PLD5: variants seen among roughly 807,000 people sequenced by gnomAD.
The protein encoded by PLD5 is phospholipase D family member 5.
A neutral mutation model predicts 61.1 loss-of-function variants in PLD5; 36 were observed. That is an observed-to-expected ratio of 0.59 (90% CI 0.45 to 0.78). PLD5 has a LOEUF of 0.78. Ranked by LOEUF, PLD5 falls within the 30% of genes least tolerant of loss-of-function variation. The probability of loss-of-function intolerance (pLI) is 0.00; values close to 1 mark genes in which losing one functional copy is unlikely to be tolerated. For missense variants in PLD5, 515 were observed against 644.4 expected (o/e 0.80, Z 2.17); for synonymous variants, 243 against 242.8 (o/e 1.00, Z -0.01).
chr1:242,242,384 T>G (rs1672113843), intron 4 of PLD5, among the ~76,000 whole-genome samples: 1 of 152,196 alleles, frequency 6.6e-6, no homozygotes, highest in Admixed American at 6.5e-5. Flanking sequence ...TCAAAATATG[T>G]ATCATAAAAT....
chr1:242,375,225 G>A (rs1487406134), intron 1 of PLD5, among the ~76,000 whole-genome samples: 5 of 152,186 alleles, frequency 3.3e-5, no homozygotes, highest in Non-Finnish European at 5.9e-5. Context: ...TGGAGGGAAT[G>A]GTGCTATTCT....
the PLD5 span, among the ~76,000 whole-genome samples, chr1:242,530,251 A>T: frequency 6.6e-6 from 1 of 152,272 alleles, no homozygotes; most frequent in South Asian, 2.1e-4. Flanking sequence ...CTCAGTTGAC[A>T]ATCAACCAGC....
Position 242,524,171 on chromosome 1 carries a change from C to G in PLD5, c.106G>C (p.Val36Leu). 1 of 1,535,502 alleles carries G rather than the reference C, an allele frequency of 6.5e-7. No homozygotes were observed. Among genetic ancestry groups the G allele is most frequent in the Non-Finnish European group, 8.7e-7 (1 of 1,146,576 alleles). Residue 36 changes from valine to leucine, a missense_variant, in exon 1 of 10, where the codon GTG becomes CTG. Val to Leu is a conservative substitution (Grantham distance 32, BLOSUM62 1). Transcript: ENST00000536534. The stretch of plus-strand genomic sequence containing the variant: ...ACGCTGCTGTAGAAGTTCGCGCCCA[C>G]TCGGGTCAGGCTTGGGGAGGGCTCC... ...PKEPSPSLTR[V>L]GANFYSSVKQ...
At chr1:242,269,748 T>C (rs1673941783) in intron 3 of PLD5, among the ~76,000 whole-genome samples, 1 of 152,172 alleles carries the variant, frequency 6.6e-6, no homozygotes. Flanking sequence ...AGGTTTGTCC[T>C]GTTATACAGG....
chr1:242,502,270 C>T (rs1379482947), intron 1 of PLD5, among the ~76,000 whole-genome samples: 1 of 152,164 alleles, frequency 6.6e-6, no homozygotes, highest in Non-Finnish European at 1.5e-5. Flanking sequence ...TTTACAATGT[C>T]GATGGCCACC....
intron 1 of PLD5, among the ~76,000 whole-genome samples, chr1:242,486,463 C>T (rs1365202289): frequency 3.9e-5 from 6 of 152,196 alleles, no homozygotes; most frequent in African/African-American, 1.2e-4. Flanking sequence ...TGAAAAAATG[C>T]TCATCATCAC....
intron 2 of PLD5, among the ~76,000 whole-genome samples, chr1:242,337,412 T>C (rs954725110): frequency 3.3e-5 from 5 of 151,838 alleles, no homozygotes; most frequent in African/African-American, 1.2e-4. Context: ...GGATGGATCA[T>C]CTGAGGTCAG....
At chr1:242,396,088 C>T (rs1663557336) in intron 1 of PLD5, among the ~76,000 whole-genome samples, 1 of 152,052 alleles carries the variant, frequency 6.6e-6, no homozygotes, top group Non-Finnish European at 1.5e-5. Context: ...TCATATGATG[C>T]AACCTAACAG....
chr1:242,214,179 CTG>C (rs1669998796), intron 5 of PLD5, among the ~76,000 whole-genome samples: 1 of 152,120 alleles, frequency 6.6e-6, no homozygotes, highest in Non-Finnish European at 1.5e-5. Flanking sequence ...TGCTTTAACA[CTG>C]TTTACTGATG....
At chr1:242,501,535 C>A (rs1390028609) in intron 1 of PLD5, among the ~76,000 whole-genome samples, 3 of 152,104 alleles carry the variant, frequency 2.0e-5, no homozygotes, top group Non-Finnish European at 4.4e-5. Flanking sequence ...GACATGAGCA[C>A]TGTAAATTCT....
chr1:242,148,738 ATAAT>A (rs1664715309), intron 5 of PLD5, among the ~76,000 whole-genome samples: 1 of 151,944 alleles, frequency 6.6e-6, no homozygotes, highest in African/African-American at 2.4e-5. Flanking sequence ...ATTATTGTAA[ATAAT>A]ACTGTCTTTT....
At chr1:242,142,254 G>C (rs1664224182) in intron 5 of PLD5, among the ~76,000 whole-genome samples, 1 of 152,238 alleles carries the variant, frequency 6.6e-6, no homozygotes, top group Non-Finnish European at 1.5e-5. Flanking sequence ...GTTTTGAAAA[G>C]TAAAATGATA....
rs536167210 is a variant in PLD5 at position 242,449,615 on chromosome 1, C to T, written c.189+74473G>A. 2.9e-6 allele frequency: 3 copies of T among 1,051,388 alleles called. 1 individual carries two copies. The highest frequency in any genetic ancestry group is 3.5e-5 in the South Asian group (2 of 56,592). The allele number at this position is 1,051,388 out of a possible 1,614,324, so 65.1% of individuals were successfully genotyped here. A position where few individuals can be genotyped will look rare whatever the true frequency, so the allele number is the denominator to read the frequency against. ...TAGAATGTGCTCTTAAAAACATAGG[C>T]CCCTCATTTAGCATTTAAGCAAGCA... On this transcript the variant is annotated intron_variant, in intron 1 of 9. Transcript: ENST00000536534.
At chr1:242,422,943 G>T (rs1354733667) in intron 1 of PLD5, among the ~76,000 whole-genome samples, 2 of 151,228 alleles carry the variant, frequency 1.3e-5, no homozygotes, top group African/African-American at 4.9e-5. Flanking sequence ...CCACCTCCTG[G>T]GCTCAAGTGA....
At chr1:242,417,543 T>C (rs1465117499) in intron 1 of PLD5, among the ~76,000 whole-genome samples, 1 of 152,172 alleles carries the variant, frequency 6.6e-6, no homozygotes, top group Non-Finnish European at 1.5e-5. Context: ...CTAAGCACAC[T>C]GTGTGTGGGG....
intron 7 of PLD5, among the ~76,000 whole-genome samples, chr1:242,110,534 G>C (rs1661400023): frequency 6.6e-6 from 1 of 152,154 alleles, no homozygotes; most frequent in African/African-American, 2.4e-5. Flanking sequence ...CTGAAGCCAG[G>C]CGCGGTGGCT....
At chr1:242,198,892 G>A (rs1335010164) in intron 5 of PLD5, among the ~76,000 whole-genome samples, 15 of 151,664 alleles carry the variant, frequency 9.9e-5, no homozygotes, top group African/African-American at 3.6e-4. Flanking sequence ...GTGCCACCAC[G>A]CCCAGCTAAT....
chr1:242,312,619 G>A (rs1676768656), intron 2 of PLD5, among the ~76,000 whole-genome samples: 7 of 152,094 alleles, frequency 4.6e-5, no homozygotes, highest in Admixed American at 4.6e-4. Context: ...AATCCAAACT[G>A]TGCCACTTTT....
intron 1 of PLD5, among the ~76,000 whole-genome samples, chr1:242,522,357 C>T (rs1669306525): frequency 6.6e-6 from 1 of 152,196 alleles, no homozygotes. Context: ...ATCCCATACT[C>T]ATGCAGAAAG....
Sources: gnomAD v4.1 joint callset for allele counts (sites outside exome capture counted in the v4.1 genomes callset) on GRCh38, gnomAD v4.1.1 for gene constraint, MANE v1.5 for transcripts, NCBI Gene and HGNC (gene_info 2026-07-23, HGNC 2026-07-21) for gene names.